The following DNAI4 variants were observed in gnomAD, a reference collection of about 807,000 sequenced individuals.
The protein encoded by DNAI4 is dynein axonemal intermediate chain 4, also known as WD repeat domain 78.
DNAI4 carries 85 observed loss-of-function variants against 105.8 expected under a neutral mutation model. The observed-to-expected ratio is 0.80, with a 90% CI of 0.67 to 0.96. DNAI4 has a LOEUF of 0.96. Among genes scored for constraint, DNAI4 ranks in the 40% least tolerant of loss-of-function variants. The pLI, the probability that DNAI4 is intolerant of heterozygous loss-of-function variation, is 0.00. For missense variants in DNAI4, 1,014 were observed against 1,005.6 expected (o/e 1.01, Z -0.11); for synonymous variants, 352 against 331.5 (o/e 1.06, Z -0.67).
At chr1:66,873,316 AC>A (rs1318806743) in intron 5 of DNAI4, among the ~76,000 whole-genome samples, 3 of 148,036 alleles carry the variant, frequency 2.0e-5, no homozygotes, top group African/African-American at 7.5e-5. Context: ...AACACAGCTC[AC>A]TGCAGCCACA....
chr1:66,816,346 T>A, intron 16 of DNAI4, among the ~76,000 whole-genome samples: 1 of 152,078 alleles, frequency 6.6e-6, no homozygotes, highest in East Asian at 1.9e-4. Flanking sequence ...TCATATAGAA[T>A]GAAATCATAA....
chr1:66,883,318 AC>A (rs1421962044), intron 4 of DNAI4, among the ~76,000 whole-genome samples: 3 of 150,704 alleles, frequency 2.0e-5, no homozygotes, highest in Non-Finnish European at 4.4e-5. Context: ...CACTCTTGTC[AC>A]CAGACTGGAG....
Position 66,837,693 on chromosome 1 carries a change from A to T in DNAI4, c.1581+17T>A, listed in dbSNP as rs1646057547. ...CAACAGCCAGATAAAAATGCTTCTT[A>T]TTCTTGTTTGGGTTACCATGGGATT... On this transcript the variant is annotated intron_variant, in intron 10 of 16. Transcript: ENST00000371026. 6.2e-7 allele frequency: 1 copy of T among 1,600,164 alleles called. No individual in the cohort carries two copies. Among genetic ancestry groups the T allele is most frequent in the Non-Finnish European group, 8.5e-7 (1 of 1,173,772 alleles).
Position 66,826,963 on chromosome 1 carries a change from C to T in DNAI4, c.2196G>A (p.Trp732Ter). 1.2e-6 allele frequency: 2 copies of T among 1,613,922 alleles called. No individual in the cohort carries two copies. Among genetic ancestry groups the T allele is most frequent in the Non-Finnish European group, 1.7e-6 (2 of 1,179,984 alleles). The change falls in exon 15 of 17, where the codon TGG becomes TGA. Residue 732 changes from tryptophan to a stop codon, truncating the protein, a stop_gained. Transcript: ENST00000371026. LOFTEE classifies it high-confidence loss of function. ...AAGATGGCTTGACATTCTCCTGTTG[C>T]CATATAATAACACCCCAATCTGCAG... The part of the protein sequence containing the change: ...SCSADWGVII[W>*]QQENVKPSLS...
chr1:66,918,029 G>A (rs1469873491), intron 1 of DNAI4, among the ~76,000 whole-genome samples: 1 of 152,210 alleles, frequency 6.6e-6, no homozygotes, highest in Non-Finnish European at 1.5e-5. Flanking sequence ...AACCTCAAGA[G>A]GAGAGGAAAT....
intron 4 of DNAI4, among the ~76,000 whole-genome samples, chr1:66,889,384 G>A (rs537374230): frequency 6.6e-6 from 1 of 152,200 alleles, no homozygotes; most frequent in South Asian, 2.1e-4. Flanking sequence ...AGCTAGAGAA[G>A]ATATTTTGAG....
intron 6 of DNAI4, 123 bp from the exon 7 acceptor site, chr1:66,862,425 C>T (rs976395290): frequency 9.5e-7 from 1 of 1,048,254 alleles, no homozygotes; most frequent in Non-Finnish European, 1.4e-6. Context: ...ATGCAGTTGC[C>T]CGTGCCAGCT....
Position 66,853,371 on chromosome 1 carries a change from T to C in DNAI4, c.1097-5693A>G, listed in dbSNP as rs557098681. 1.8e-4 allele frequency among the ~76,000 whole-genome samples: 28 copies of C among 152,332 alleles called. No individual in the cohort carries two copies. In the South Asian group the frequency reaches 5.6e-3, roughly 30 times the overall value. On this transcript the variant is annotated intron_variant, in intron 7 of 16. Transcript: ENST00000371026. Reference sequence around the variant, plus strand: ...TAGTGTTGACCATTAGGTTTTATCATGGTCAGCAGCTGTAGGGTATATTGA... The same window carrying C: ...TAGTGTTGACCATTAGGTTTTATCACGGTCAGCAGCTGTAGGGTATATTGA...
chr1:66,894,737 CA>C (rs1648167467), intron 2 of DNAI4, among the ~76,000 whole-genome samples: 1 of 152,130 alleles, frequency 6.6e-6, no homozygotes, highest in South Asian at 2.1e-4. Context: ...CTGCAGTTCA[CA>C]TTTATTATAA....
chr1:66,924,649 C>T lies in DNAI4; in HGVS notation c.170+13G>A, dbSNP rs756743616. 6.2e-7 allele frequency: 1 copy of T among 1,614,204 alleles called. No homozygotes were observed. The highest frequency in any genetic ancestry group is 1.7e-5 in the Admixed American group (1 of 60,032). On this transcript the variant is annotated intron_variant, in intron 1 of 16. Coordinates refer to ENST00000371026, the MANE Select transcript of DNAI4 (RefSeq NM_024763.5). ...CAGGGGGATGGACTACGGTTTTTAG[C>T]GCCGGAACTTACAACCCGAAGTTCT... is the stretch of plus-strand genomic sequence containing the variant.
At chr1:66,836,323 A>AGAAG (rs1169610179) in intron 10 of DNAI4, among the ~76,000 whole-genome samples, 43 of 123,286 alleles carry the variant, frequency 3.5e-4, no homozygotes, top group African/African-American at 9.8e-4. Flanking sequence ...AAAGAAAGAA[A>AGAAG]GAAGGAAAGA....
At chr1:66,919,234 A>C (rs1650287398) in intron 1 of DNAI4, 18 of 264,062 alleles carry the variant, frequency 6.8e-5, no homozygotes, top group South Asian at 6.4e-4. Context: ...TTTCTAAATT[A>C]ACTGAGACCT....
At chr1:66,912,273 C>G (rs1397821115) in intron 1 of DNAI4, among the ~76,000 whole-genome samples, 3 of 151,882 alleles carry the variant, frequency 2.0e-5, no homozygotes, top group Admixed American at 2.0e-4. Context: ...GAGTTTCAGA[C>G]CAGCCTGGCC....
intron 6 of DNAI4, among the ~76,000 whole-genome samples, chr1:66,863,273 A>C (rs1438198589): frequency 6.6e-6 from 1 of 152,202 alleles, no homozygotes; most frequent in Non-Finnish European, 1.5e-5. Flanking sequence ...CCAATTTTTC[A>C]GTTAAAGGAT....
At chr1:66,896,092 C>G (rs1648313387) in intron 2 of DNAI4, among the ~76,000 whole-genome samples, 1 of 152,128 alleles carries the variant, frequency 6.6e-6, no homozygotes, top group African/African-American at 2.4e-5. Flanking sequence ...AGTATACCCA[C>G]TTTTAGTGTT....
At chr1:66,893,091 AAGAAAGAAAG>A in intron 3 of DNAI4, 128 bp downstream of exon 3, 1 of 417,900 alleles carries the variant, frequency 2.4e-6, no homozygotes, top group East Asian at 3.6e-5. Flanking sequence ...GAAAGAAAGA[AAGAAAGAAAG>A]AAAGAAAGAA....
rs780832715 is a variant in DNAI4, at chr1:66,822,444, CTGTT to C, written c.2409_2412del (p.Thr804IlefsTer5). On this transcript the variant is annotated frameshift_variant, in exon 16 of 17. Transcript: ENST00000371026. LOFTEE classifies it high-confidence loss of function. ...TCACTGTCTCCTACCAGAAGGCAAT[CTGTT>C]TGTTTGGCAAAGAGAATGGTTGTGA... 4.3e-6 allele frequency: 7 copies of C among 1,613,566 alleles called. No individual in the cohort carries two copies. The highest frequency in any genetic ancestry group is 2.2e-5 in the East Asian group (1 of 44,816).
chr1:66,919,036 C>A, intron 1 of DNAI4: 1 of 415,110 alleles, frequency 2.4e-6, no homozygotes, highest in Non-Finnish European at 4.9e-6. Context: ...TGGAAGCCCC[C>A]TCCCTGCTTC....
At chr1:66,881,355 C>G (rs1286610288) in intron 4 of DNAI4, among the ~76,000 whole-genome samples, 1 of 152,218 alleles carries the variant, frequency 6.6e-6, no homozygotes, top group Non-Finnish European at 1.5e-5. Flanking sequence ...ACTGCCAACC[C>G]ATGAAAGCAG....
Sources: allele counts gnomAD v4.1 joint callset (sites outside exome capture counted in the v4.1 genomes callset), GRCh38; gene constraint gnomAD v4.1.1; transcripts MANE v1.5; gene names NCBI Gene and HGNC (gene_info 2026-07-23, HGNC 2026-07-21).